Variants in OPN3 observed in about 807,000 individuals in gnomAD.
The protein encoded by OPN3 is opsin-3.
A neutral mutation model predicts 33.8 loss-of-function variants in OPN3; 29 were observed. The observed-to-expected ratio is 0.86, with a 90% CI of 0.64 to 1.17. The LOEUF (loss-of-function observed/expected upper bound fraction) is 1.17. Among genes scored for constraint, OPN3 ranks in the 50% most tolerant of loss-of-function variants. The probability of loss-of-function intolerance (pLI) is 0.00; values close to 1 mark genes in which losing one functional copy is unlikely to be tolerated. For synonymous variants in OPN3, 216 were observed against 216.1 expected (o/e 1.00, Z 0.00); for missense variants, 437 against 514.1 (o/e 0.85, Z 1.45).
At chr1:241,629,300 T>C (rs1664524254) in intron 1 of OPN3, 1 of 152,172 alleles carries the variant, frequency 6.6e-6, no homozygotes, top group Non-Finnish European at 1.5e-5. Context: ...TATAGTCTTC[T>C]ACACAGTTCT....
intron 1 of OPN3, chr1:241,629,601 C>T (rs781400231): frequency 6.6e-6 from 1 of 152,050 alleles, no homozygotes; most frequent in Admixed American, 6.5e-5. Flanking sequence ...TTCCTATTTA[C>T]TACACATTTA....
chr1:241,622,073 C>G (rs1324654442), intron 1 of OPN3, among the ~76,000 whole-genome samples: 1 of 152,088 alleles, frequency 6.6e-6, no homozygotes, highest in African/African-American at 2.4e-5. Flanking sequence ...TGATCAAGGG[C>G]ACTGGTTTAG....
At chr1:241,629,582 T>G (rs1457852947) in intron 1 of OPN3, 3 of 152,122 alleles carry the variant, frequency 2.0e-5, no homozygotes, top group Non-Finnish European at 2.9e-5. Context: ...TCCATCTTGT[T>G]TTGTCTTTTT....
rs770880257 is a variant in OPN3, at chr1:241,635,242, T to C, written c.373+4640A>G. ...CTCCACAATACTTTTCCTTCTCCACTGATTCCTCTACATCAGTTACTTCTA... is the reference window on the plus strand; with the variant it reads ...CTCCACAATACTTTTCCTTCTCCACCGATTCCTCTACATCAGTTACTTCTA... On this transcript the variant is annotated intron_variant, in intron 1 of 3. Coordinates refer to ENST00000366554, the MANE Select transcript of OPN3 (RefSeq NM_014322.3). The C allele has an allele frequency of 9.9e-6, 16 of 1,613,746 alleles. No individual in the cohort carries two copies. In the East Asian group the frequency reaches 3.3e-4, roughly 34 times the overall value.
chr1:241,634,775 A>C, intron 1 of OPN3: 1 of 1,613,958 alleles, frequency 6.2e-7, no homozygotes, highest in Non-Finnish European at 8.5e-7. Context: ...GTTGGGAGTT[A>C]GTTTTTTAGT....
At chr1:241,603,190 C>T (rs1378642924) in intron 2 of OPN3, among the ~76,000 whole-genome samples, 1 of 152,070 alleles carries the variant, frequency 6.6e-6, no homozygotes, top group African/African-American at 2.4e-5. Flanking sequence ...TGGGAGACCT[C>T]TCCTGTCGCC....
intron 1 of OPN3, chr1:241,639,177 G>A (rs1451387395): frequency 6.6e-6 from 1 of 152,170 alleles, no homozygotes; most frequent in Non-Finnish European, 1.5e-5. Flanking sequence ...TACAGTATTT[G>A]TTCACCTGAG....
At chr1:241,633,738 T>C (rs1453386146) in intron 1 of OPN3, 1 of 1,578,410 alleles carries the variant, frequency 6.3e-7, no homozygotes, top group East Asian at 2.2e-5. Context: ...GTCCTTTAAA[T>C]GAGAAAATTC....
intron 2 of OPN3, among the ~76,000 whole-genome samples, chr1:241,598,497 T>G (rs752891476): frequency 2.0e-5 from 3 of 152,198 alleles, no homozygotes; most frequent in Non-Finnish European, 2.9e-5. Flanking sequence ...GAATTCTTAC[T>G]GAAAACCAGC....
At chr1:241,630,073 T>C (rs1558445736) in intron 1 of OPN3, 1 of 152,124 alleles carries the variant, frequency 6.6e-6, no homozygotes, top group Non-Finnish European at 1.5e-5. Context: ...TCTTTGGATG[T>C]AGCTTTATAT....
chr1:241,615,923 C>T (rs1488654314), intron 1 of OPN3: 1 of 456,734 alleles, frequency 2.2e-6, no homozygotes, highest in Admixed American at 2.3e-5. Context: ...CTGCCTGAAG[C>T]TGGCTGATCC....
At chr1:241,635,888 T>C in intron 1 of OPN3, 1 of 981,798 alleles carries the variant, frequency 1.0e-6, no homozygotes, top group Non-Finnish European at 1.5e-6. Context: ...TTGCAGGTCC[T>C]AGCTGTTTAA....
chr1:241,634,302 C>T (rs145858464), intron 1 of OPN3: 11 of 1,613,914 alleles, frequency 6.8e-6, no homozygotes, highest in South Asian at 3.3e-5. Flanking sequence ...GTGACCCGTA[C>T]AGCACAAGCT....
chr1:241,611,649 T>A (rs985694289), intron 1 of OPN3, among the ~76,000 whole-genome samples: 1 of 151,982 alleles, frequency 6.6e-6, no homozygotes, highest in Non-Finnish European at 1.5e-5. Flanking sequence ...TAGGACGGAG[T>A]TCTAAACAGA....
intron 1 of OPN3, among the ~76,000 whole-genome samples, chr1:241,623,046 T>C (rs919059291): frequency 2.0e-5 from 3 of 151,478 alleles, no homozygotes; most frequent in African/African-American, 7.3e-5. Flanking sequence ...AGGAAGTTTG[T>C]TTTTTTTAAA....
At chr1:241,594,778 T>C in intron 3 of OPN3, 87 bp from the exon 4 acceptor site, 1 of 1,489,776 alleles carries the variant, frequency 6.7e-7, no homozygotes, top group Non-Finnish European at 9.1e-7. Context: ...TTGAGCTGAA[T>C]TTAAGTTGTT....
chr1:241,614,463 T>C (rs1298107810), intron 1 of OPN3, among the ~76,000 whole-genome samples: 1 of 152,192 alleles, frequency 6.6e-6, no homozygotes, highest in Non-Finnish European at 1.5e-5. Context: ...TTAAATTTAG[T>C]GACTTTTTAA....
intron 1 of OPN3, among the ~76,000 whole-genome samples, chr1:241,610,304 C>T (rs1663955950): frequency 6.6e-6 from 1 of 152,162 alleles, no homozygotes; most frequent in East Asian, 1.9e-4. Context: ...CAAACAATTA[C>T]AGGAATGTGA....
chr1:241,632,896 G>C (rs1308656737), intron 1 of OPN3: 1 of 152,068 alleles, frequency 6.6e-6, no homozygotes, highest in Non-Finnish European at 1.5e-5. Flanking sequence ...GAATTCCTAA[G>C]AATTCCTCCT....
Sources: gnomAD v4.1 joint callset for allele counts (sites outside exome capture counted in the v4.1 genomes callset) on GRCh38, gnomAD v4.1.1 for gene constraint, MANE v1.5 for transcripts, NCBI Gene and HGNC (gene_info 2026-07-23, HGNC 2026-07-21) for gene names.